The following AKAP13 variants were observed in gnomAD, a reference collection of about 807,000 sequenced individuals.
AKAP13 encodes the protein A-kinase anchoring protein 13.
A neutral mutation model predicts 264.5 loss-of-function variants in AKAP13; 80 were observed. The observed-to-expected ratio is 0.30, with a 90% CI of 0.25 to 0.36. The LOEUF (loss-of-function observed/expected upper bound fraction) is 0.36. Among genes scored for constraint, AKAP13 ranks in the 10% least tolerant of loss-of-function variants. The pLI is 1.00. For synonymous variants in AKAP13, 1,380 were observed against 1,250.2 expected (o/e 1.10, Z -2.19); for missense variants, 3,712 against 3,435.2 (o/e 1.08, Z -2.01).
At position 85,722,121 on chromosome 15, in the gene AKAP13, T is replaced by C. The variant is rs754416478; in HGVS notation, c.6378+5T>C. On this transcript the variant is annotated splice_donor_5th_base_variant and intron_variant, in intron 24 of 36. Transcript: ENST00000394518. ...CGTTTTCAAGCCTTTGTAAAGGTAT[T>C]GATAAGAAACATGAAAATCCCCGTT... 1.2e-6 allele frequency: 2 copies of C among 1,613,526 alleles called. No individual in the cohort carries two copies. Among genetic ancestry groups the C allele is most frequent in the East Asian group, 2.2e-5 (1 of 44,884 alleles).
chr15:85,537,143 T>G (rs1309283514), intron 4 of AKAP13: 2 of 139,804 alleles, frequency 1.4e-5, no homozygotes, highest in Non-Finnish European at 3.1e-5. Context: ...TATTAATTGA[T>G]GATTAGAATC....
chr15:85,642,583 G>A (rs543848292), intron 9 of AKAP13, among the ~76,000 whole-genome samples: 4 of 152,048 alleles, frequency 2.6e-5, no homozygotes, highest in African/African-American at 4.8e-5. Flanking sequence ...AATGGTTTAC[G>A]GTCCCTCTCT....
rs2078684295 is a variant in AKAP13 at position 85,568,334 on chromosome 15, T to C, written c.663-6797T>C. 2.6e-5 allele frequency among the ~76,000 whole-genome samples: 4 copies of C among 151,038 alleles called. No individual in the cohort carries two copies. In the South Asian group the frequency reaches 8.4e-4, roughly 32 times the overall value. On this transcript the variant is annotated intron_variant, in intron 5 of 36. Transcript: ENST00000394518. ...AAAAAAAAGTCACAAGAGAGTAATA[T>C]AATAAGGAGGAGGGGAAAGATCCTA...
At chr15:85,387,015 TTTTC>T (rs1253482161) in intron 1 of AKAP13, among the ~76,000 whole-genome samples, 2 of 152,246 alleles carry the variant, frequency 1.3e-5, no homozygotes, top group African/African-American at 4.8e-5. Flanking sequence ...CCTGCTGGGT[TTTTC>T]TTTTTCTTTT....
chr15:85,554,410 C>G (rs1048452085), intron 5 of AKAP13, among the ~76,000 whole-genome samples: 1 of 152,140 alleles, frequency 6.6e-6, no homozygotes, highest in South Asian at 2.1e-4. Context: ...AACCACCATT[C>G]AGTTTCTGAC....
At chr15:85,637,732 T>C (rs911065392) in intron 8 of AKAP13, among the ~76,000 whole-genome samples, 5 of 152,164 alleles carry the variant, frequency 3.3e-5, no homozygotes, top group African/African-American at 1.2e-4. Context: ...AAACCTTATG[T>C]TCTAATATAG....
At chr15:85,730,857 G>A (rs1429257128) in intron 30 of AKAP13, 150 bp downstream of exon 30, 1 of 742,028 alleles carries the variant, frequency 1.3e-6, no homozygotes, top group Non-Finnish European at 2.1e-6. Flanking sequence ...ATTATCAGGT[G>A]AATATCCTTT....
chr15:85,414,393 G>C (rs1213992303), intron 1 of AKAP13, among the ~76,000 whole-genome samples: 2 of 152,056 alleles, frequency 1.3e-5, no homozygotes, highest in African/African-American at 4.8e-5. Context: ...AATCCAAGAG[G>C]AATAAGACCA....
intron 1 of AKAP13, among the ~76,000 whole-genome samples, chr15:85,403,398 C>A (rs753264688): frequency 1.3e-5 from 2 of 152,130 alleles, no homozygotes; most frequent in Non-Finnish European, 2.9e-5. Context: ...AATATCAAAA[C>A]GTGGTGGGCA....
At chr15:85,432,352 CCT>C (rs1173052664) in intron 1 of AKAP13, among the ~76,000 whole-genome samples, 1 of 151,626 alleles carries the variant, frequency 6.6e-6, no homozygotes, top group Non-Finnish European at 1.5e-5. Flanking sequence ...TCTGTTCATG[CCT>C]CTCTGCAAAT....
At chr15:85,712,781 G>A (rs1038629658) in intron 19 of AKAP13, among the ~76,000 whole-genome samples, 3 of 152,014 alleles carry the variant, frequency 2.0e-5, no homozygotes, top group Non-Finnish European at 4.4e-5. Flanking sequence ...TGACCTCAAG[G>A]CATCTGTCTG....
intron 1 of AKAP13, among the ~76,000 whole-genome samples, chr15:85,479,733 A>G (rs561326318): frequency 6.6e-6 from 1 of 152,260 alleles, no homozygotes; most frequent in South Asian, 2.1e-4. Context: ...CCAGTTTGTT[A>G]TATGATGTTG....
chr15:85,480,344 G>C (rs1380465009), intron 1 of AKAP13, among the ~76,000 whole-genome samples: 1 of 152,184 alleles, frequency 6.6e-6, no homozygotes, highest in Non-Finnish European at 1.5e-5. Flanking sequence ...TTGAGACTCA[G>C]GAACTCTGCA....
At chr15:85,555,188 C>T (rs192399259) in intron 5 of AKAP13, among the ~76,000 whole-genome samples, 2 of 152,136 alleles carry the variant, frequency 1.3e-5, no homozygotes, top group Non-Finnish European at 2.9e-5. Context: ...GATTAGCTAC[C>T]CCCCACCCCC....
chr15:85,546,016 CCTTT>C (rs2077724300), intron 5 of AKAP13, among the ~76,000 whole-genome samples: 1 of 152,226 alleles, frequency 6.6e-6, no homozygotes, highest in Non-Finnish European at 1.5e-5. Flanking sequence ...CCTCTGTTCT[CCTTT>C]CTGTCTCTAA....
At chr15:85,515,233 G>C (rs1046929946) in intron 2 of AKAP13, among the ~76,000 whole-genome samples, 3 of 138,722 alleles carry the variant, frequency 2.2e-5, no homozygotes, top group African/African-American at 8.7e-5. Context: ...CAAGTTTATA[G>C]AAAAGCTGTA....
At chr15:85,547,820 G>A (rs1017093787) in intron 5 of AKAP13, among the ~76,000 whole-genome samples, 7 of 152,026 alleles carry the variant, frequency 4.6e-5, no homozygotes, top group African/African-American at 1.4e-4. Flanking sequence ...TTAATTTTCT[G>A]TCTTGCCTGA....
intron 18 of AKAP13, 57 bp from the exon 19 acceptor site, chr15:85,710,522 G>C (rs2086580783): frequency 6.4e-7 from 1 of 1,561,446 alleles, no homozygotes; most frequent in African/African-American, 1.4e-5. Context: ...TTCCTACTCG[G>C]CTTCTCAGGG....
intron 1 of AKAP13, among the ~76,000 whole-genome samples, chr15:85,472,736 G>A (rs1042445766): frequency 6.6e-6 from 1 of 152,138 alleles, no homozygotes; most frequent in African/African-American, 2.4e-5. Flanking sequence ...TTCCCCACTT[G>A]AACTAAGATA....
Sources: gnomAD v4.1 joint callset for allele counts (sites outside exome capture counted in the v4.1 genomes callset) on GRCh38, gnomAD v4.1.1 for gene constraint, MANE v1.5 for transcripts, NCBI Gene and HGNC (gene_info 2026-07-23, HGNC 2026-07-21) for gene names.